UCN: variants seen among roughly 807,000 people sequenced by gnomAD.
UCN encodes urocortin.
A neutral mutation model predicts 6.5 loss-of-function variants in UCN; 5 were observed. The ratio of observed to expected loss-of-function variants is 0.77; its 90% CI spans 0.40 to 1.62. UCN has a LOEUF of 1.62. UCN is among the 40% of genes most tolerant of loss of function. The pLI is 0.02. For synonymous variants in UCN, 95 were observed against 96.4 expected (o/e 0.99, Z 0.09); for missense variants, 195 against 188.8 (o/e 1.03, Z -0.19).
At position 27,308,279 on chromosome 2, in the gene UCN, A is replaced by T. The variant is rs1416758615; in HGVS notation, c.-133T>A. The T allele has an allele frequency of 5.4e-6, 1 of 185,342 alleles. No individual in the cohort carries two copies. Among genetic ancestry groups the T allele is most frequent in the African/African-American group, 2.3e-5 (1 of 42,588 alleles). 11.5% of individuals were successfully genotyped at this position (185,342 alleles called of 1,614,324 possible). On this transcript the variant is annotated 5_prime_UTR_variant, in exon 1 of 2. Transcript: ENST00000296099. This position sits in a 1 kb window ranked among gnomAD's most constrained non-coding sequence, Gnocchi z 4.2. ...CCCGGGGCTGTCGCCAGCCTTATATAGTGCCAGGACAGCTCCGACTGACGT... is the reference window on the plus strand; with the variant it reads ...CCCGGGGCTGTCGCCAGCCTTATATTGTGCCAGGACAGCTCCGACTGACGT...
At position 27,307,897 on chromosome 2, in the gene UCN, G is replaced by T; in HGVS notation, c.-2C>A. The T allele has an allele frequency of 1.4e-6, 2 of 1,467,342 alleles. No individual in the cohort carries two copies. Among genetic ancestry groups the T allele is most frequent in the Non-Finnish European group, 1.8e-6 (2 of 1,117,344 alleles). 90.9% of individuals were successfully genotyped at this position (1,467,342 alleles called of 1,614,324 possible). A position where few individuals can be genotyped will look rare whatever the true frequency, so the allele number is the denominator to read the frequency against. On this transcript the variant is annotated 5_prime_UTR_variant, in exon 2 of 2. Coordinates refer to ENST00000296099, the MANE Select transcript of UCN (RefSeq NM_003353.4). This position sits in a 1 kb window ranked among gnomAD's most constrained non-coding sequence, Gnocchi z 6.9. ...CGCTGCGCGTCCCGCCTGCCTCATG[G>T]TGCCGCCGGCCCTGGACACACAGGG...
Position 27,307,791 on chromosome 2 carries a change from G to A in UCN, c.105C>T (p.Asp35=). The part of the protein sequence containing the change: ...QRSPEAAGVQ[D]PSLRWSPGAR... ...CCCCGGGGCTCCAGCGCAGACTCGG[G>A]TCCTGGACCCCGGCCGCCTCGGGGC... Residue 35 remains aspartate, a synonymous_variant, in exon 2 of 2, where the codon GAC becomes GAT. Transcript: ENST00000296099. This position sits in a 1 kb window ranked among gnomAD's most constrained non-coding sequence, Gnocchi z 6.9. The A allele has an allele frequency of 6.6e-7, 1 of 1,510,390 alleles. No homozygotes were observed. The highest frequency in any genetic ancestry group is 8.8e-7 in the Non-Finnish European group (1 of 1,133,424). 93.6% of individuals were successfully genotyped at this position (1,510,390 alleles called of 1,614,324 possible). A position where few individuals can be genotyped will look rare whatever the true frequency, so the allele number is the denominator to read the frequency against.
In UCN at chr2:27,307,608, C is replaced by T. The variant is rs1490767455; in HGVS notation, c.288G>A (p.Leu96=). 7 of 1,612,656 alleles carry T rather than the reference C, an allele frequency of 4.3e-6. No individual in the cohort carries two copies. Among genetic ancestry groups the T allele is most frequent in the Non-Finnish European group, 5.9e-6 (7 of 1,179,896 alleles). ...TCCGCGCCAGCTCCAGCAGGGTCCGCAGCAGGTGAAAGGTGAGGTCAATGG... is the reference window on the plus strand; with the variant it reads ...TCCGCGCCAGCTCCAGCAGGGTCCGTAGCAGGTGAAAGGTGAGGTCAATGG... ...SLSIDLTFHL[L]RTLLELARTQ... is the part of the protein sequence containing the mutation. The change falls in exon 2 of 2, where the codon CTG becomes CTA. Residue 96 remains leucine (L), a synonymous_variant. Coordinates refer to ENST00000296099, the MANE Select transcript of UCN (RefSeq NM_003353.4). This position sits in a 1 kb window ranked among gnomAD's most constrained non-coding sequence, Gnocchi z 6.9.
At position 27,307,980 on chromosome 2, in the gene UCN, C is replaced by T; in HGVS notation, c.-13-72G>A. 7.7e-7 allele frequency: 1 copy of T among 1,300,318 alleles called. No individual in the cohort carries two copies. Among genetic ancestry groups the T allele is most frequent in the Non-Finnish European group, 9.8e-7 (1 of 1,025,556 alleles). 80.5% of individuals were successfully genotyped at this position (1,300,318 alleles called of 1,614,324 possible). A position where few individuals can be genotyped will look rare whatever the true frequency, so the allele number is the denominator to read the frequency against. On this transcript the variant is annotated intron_variant, in intron 1 of 1. Transcript: ENST00000296099. The surrounding 1 kb of genome is among the most constrained non-coding windows in gnomAD (Gnocchi z 6.9). ...GCAGGCCGCCGCTCCCCTCCCCGCG[C>T]TCGCCCGGCGACCCCTCCGGCCGCC... is the stretch of plus-strand genomic sequence containing the variant.
In UCN at chr2:27,308,065, T is replaced by G; in HGVS notation, c.-14+95A>C. 1.6e-6 allele frequency: 1 copy of G among 632,838 alleles called. No homozygotes were observed. 39.2% of individuals were successfully genotyped at this position (632,838 alleles called of 1,614,324 possible). On this transcript the variant is annotated intron_variant, in intron 1 of 1. Coordinates refer to ENST00000296099, the MANE Select transcript of UCN (RefSeq NM_003353.4). This position sits in a 1 kb window ranked among gnomAD's most constrained non-coding sequence, Gnocchi z 4.2. ...CACTGCGCCAGTGCTGTTCCATCCCTTCCACCCAGCCTCCCTCCCCGGAGG... is the reference window on the plus strand; with the variant it reads ...CACTGCGCCAGTGCTGTTCCATCCCGTCCACCCAGCCTCCCTCCCCGGAGG...
chr2:27,307,473 T>G lies in UCN; in HGVS notation c.*48A>C. 9 of 1,609,686 alleles carry G rather than the reference T, an allele frequency of 5.6e-6. No individual in the cohort carries two copies. The highest frequency in any genetic ancestry group is 7.6e-6 in the Non-Finnish European group (9 of 1,179,004). On this transcript the variant is annotated 3_prime_UTR_variant, in exon 2 of 2. Coordinates refer to ENST00000296099, the MANE Select transcript of UCN (RefSeq NM_003353.4). The surrounding 1 kb of genome is among the most constrained non-coding windows in gnomAD (Gnocchi z 6.9). ...GTGGCTCTGCCCCGCATCCCAACTC[T>G]GGGGTGGGGGAAAGGGGTCAACGTT...
rs1445076343 is a variant in UCN, at chr2:27,307,647, G to A, written c.249C>T (p.Asp83=). 10 of 1,607,524 alleles carry A rather than the reference G, an allele frequency of 6.2e-6. No individual in the cohort carries two copies. Among genetic ancestry groups the A allele is most frequent in the Non-Finnish European group, 8.5e-6 (10 of 1,177,978 alleles). Residue 83 remains aspartate (D), a synonymous_variant, in exon 2 of 2, where the codon GAC becomes GAT. Transcript: ENST00000296099. The surrounding 1 kb of genome is among the most constrained non-coding windows in gnomAD (Gnocchi z 6.9). ...TGAGGTCAATGGACAGAGAAGGGTT[G>A]TCCCGCCGCGGCCGCTCGCCTGCCG... ...LGTAGERPRR[D]NPSLSIDLTF... is the part of the protein sequence containing the mutation.
rs1679281020 is a variant in UCN, at chr2:27,307,815, G to T, written c.81C>A (p.Ser27Arg). ...VQLCPGSSQR[S>R]PEAAGVQDPS... ...GGTCCTGGACCCCGGCCGCCTCGGGGCTCCTCTGGCTGCTCCCAGGGCACA... is the reference window on the plus strand; with the variant it reads ...GGTCCTGGACCCCGGCCGCCTCGGGTCTCCTCTGGCTGCTCCCAGGGCACA... Residue 27 changes from serine (S) to arginine (R), a missense_variant, in exon 2 of 2, where the codon AGC becomes AGA. By Grantham distance (110) the Ser-to-Arg change is moderately radical. Coordinates refer to ENST00000296099, the MANE Select transcript of UCN (RefSeq NM_003353.4). This position sits in a 1 kb window ranked among gnomAD's most constrained non-coding sequence, Gnocchi z 6.9. 4.6e-6 allele frequency: 7 copies of T among 1,505,420 alleles called. No homozygotes were observed. Among genetic ancestry groups the T allele is most frequent in the Admixed American group, 2.2e-5 (1 of 46,108 alleles). The allele number at this position is 1,505,420 out of a possible 1,614,324, so 93.3% of individuals were successfully genotyped here. A position where few individuals can be genotyped will look rare whatever the true frequency, so the allele number is the denominator to read the frequency against.
Position 27,307,865 on chromosome 2 carries a change from C to G in UCN, c.31G>C (p.Ala11Pro). 6.7e-7 allele frequency: 1 copy of G among 1,488,850 alleles called. No individual in the cohort carries two copies. The highest frequency in any genetic ancestry group is 8.9e-7 in the Non-Finnish European group (1 of 1,127,596). 92.2% of individuals were successfully genotyped at this position (1,488,850 alleles called of 1,614,324 possible). ...AGCTGTACCAGGAGCAGCAGCGCGG[C>G]CAGCAGCGCTGCGCGTCCCGCCTGC... MRQAGRAALL[A>P]ALLLLVQLCP... Residue 11 changes from alanine to proline, a missense_variant, in exon 2 of 2, where the codon GCC becomes CCC. Coordinates refer to ENST00000296099, the MANE Select transcript of UCN (RefSeq NM_003353.4). This position sits in a 1 kb window ranked among gnomAD's most constrained non-coding sequence, Gnocchi z 6.9.
rs928319830 is a variant in UCN at position 27,308,127 on chromosome 2, G to A, written c.-14+33C>T. 2.4e-6 allele frequency: 1 copy of A among 420,018 alleles called. No homozygotes were observed. Among genetic ancestry groups the A allele is most frequent in the Non-Finnish European group, 4.1e-6 (1 of 244,000 alleles). The allele number at this position is 420,018 out of a possible 1,614,324, so 26.0% of individuals were successfully genotyped here. A position where few individuals can be genotyped will look rare whatever the true frequency, so the allele number is the denominator to read the frequency against. On this transcript the variant is annotated intron_variant, in intron 1 of 1. Coordinates refer to ENST00000296099, the MANE Select transcript of UCN (RefSeq NM_003353.4). This position sits in a 1 kb window ranked among gnomAD's most constrained non-coding sequence, Gnocchi z 4.2. ...TGAGCTGAGCGGAGTCCTGGTGCAG[G>A]GGGAGGCTGGGCGGACGCTCTGAGC...
At position 27,307,579 on chromosome 2, in the gene UCN, T is replaced by C. The variant is rs774016860; in HGVS notation, c.317A>G (p.Gln106Arg). Residue 106 changes from glutamine (Q) to arginine (R), a missense_variant, in exon 2 of 2, where the codon CAG (glutamine) becomes CGG (arginine). Physicochemically the swap from Gln to Arg is conservative, Grantham distance 43 (BLOSUM62 1). Transcript: ENST00000296099. This position sits in a 1 kb window ranked among gnomAD's most constrained non-coding sequence, Gnocchi z 6.9. Reference sequence around the variant, plus strand: ...CTGCTCGGCGCGCTCCCGCTGGCTCTGCGTCCGCGCCAGCTCCAGCAGGGT... The same window carrying C: ...CTGCTCGGCGCGCTCCCGCTGGCTCCGCGTCCGCGCCAGCTCCAGCAGGGT... ...LRTLLELART[Q>R]SQRERAEQNR... 2 of 1,612,896 alleles carry C rather than the reference T, an allele frequency of 1.2e-6. No individual in the cohort carries two copies. The highest frequency in any genetic ancestry group is 1.1e-5 in the South Asian group (1 of 91,070).
Position 27,307,780 on chromosome 2 carries a change from C to A in UCN, c.116G>T (p.Arg39Leu). 1 of 1,512,148 alleles carries A rather than the reference C, an allele frequency of 6.6e-7. No homozygotes were observed. The allele number at this position is 1,512,148 out of a possible 1,614,324, so 93.7% of individuals were successfully genotyped here. The change falls in exon 2 of 2, where the codon CGC (arginine) becomes CTC (leucine). Residue 39 changes from arginine to leucine, a missense_variant. Arg to Leu is a moderately radical substitution (Grantham distance 102, BLOSUM62 -2). Transcript: ENST00000296099. This position sits in a 1 kb window ranked among gnomAD's most constrained non-coding sequence, Gnocchi z 6.9. ...EAAGVQDPSL[R>L]WSPGARNQGG... is the part of the protein sequence containing the mutation. ...CTGGTTCCGTGCCCCGGGGCTCCAGCGCAGACTCGGGTCCTGGACCCCGGC... is the reference window on the plus strand; with the variant it reads ...CTGGTTCCGTGCCCCGGGGCTCCAGAGCAGACTCGGGTCCTGGACCCCGGC...
chr2:27,308,016 C>T lies in UCN; in HGVS notation c.-13-108G>A. On this transcript the variant is annotated intron_variant, in intron 1 of 1. Transcript: ENST00000296099. This position sits in a 1 kb window ranked among gnomAD's most constrained non-coding sequence, Gnocchi z 4.2. ...ACCCCTCCGGCCGCCGCCCAATGCC[C>T]GCAGCCTGCCCTCCAGCCCCAGCCA... 2 of 1,053,556 alleles carry T rather than the reference C, an allele frequency of 1.9e-6. No homozygotes were observed. Among genetic ancestry groups the T allele is most frequent in the Non-Finnish European group, 2.5e-6 (2 of 803,856 alleles). The allele number at this position is 1,053,556 out of a possible 1,614,324, so 65.3% of individuals were successfully genotyped here.
chr2:27,307,776 C>T lies in UCN; in HGVS notation c.120G>A (p.Trp40Ter). The change falls in exon 2 of 2, where the codon TGG becomes TGA. Residue 40 changes from tryptophan to a stop codon, truncating the protein, a stop_gained. Transcript: ENST00000296099. LOFTEE classifies it high-confidence loss of function. This position sits in a 1 kb window ranked among gnomAD's most constrained non-coding sequence, Gnocchi z 6.9. ...AAGVQDPSLRWSPGARNQGGG... is the reference protein window; with the variant it reads ...AAGVQDPSLR Reference sequence around the variant, plus strand: ...CACCCTGGTTCCGTGCCCCGGGGCTCCAGCGCAGACTCGGGTCCTGGACCC... The same window carrying T: ...CACCCTGGTTCCGTGCCCCGGGGCTTCAGCGCAGACTCGGGTCCTGGACCC... The T allele has an allele frequency of 6.6e-7, 1 of 1,511,764 alleles. No individual in the cohort carries two copies. The allele number at this position is 1,511,764 out of a possible 1,614,324, so 93.6% of individuals were successfully genotyped here. A position where few individuals can be genotyped will look rare whatever the true frequency, so the allele number is the denominator to read the frequency against.
In UCN at chr2:27,308,108, G is replaced by A; in HGVS notation, c.-14+52C>T. 2.2e-6 allele frequency: 1 copy of A among 463,792 alleles called. No homozygotes were observed. The highest frequency in any genetic ancestry group is 3.6e-6 in the Non-Finnish European group (1 of 279,954). The allele number at this position is 463,792 out of a possible 1,614,324, so 28.7% of individuals were successfully genotyped here. On this transcript the variant is annotated intron_variant, in intron 1 of 1. Coordinates refer to ENST00000296099, the MANE Select transcript of UCN (RefSeq NM_003353.4). This position sits in a 1 kb window ranked among gnomAD's most constrained non-coding sequence, Gnocchi z 4.2. Reference sequence around the variant, plus strand: ...CCCGGAGGAGCGTGGTGGCTGAGCTGAGCGGAGTCCTGGTGCAGGGGGAGG... The same window carrying A: ...CCCGGAGGAGCGTGGTGGCTGAGCTAAGCGGAGTCCTGGTGCAGGGGGAGG...
In UCN at chr2:27,308,101, C is replaced by T. The variant is rs35403114; in HGVS notation, c.-14+59G>A. On this transcript the variant is annotated intron_variant, in intron 1 of 1. Transcript: ENST00000296099. This position sits in a 1 kb window ranked among gnomAD's most constrained non-coding sequence, Gnocchi z 4.2. Reference sequence around the variant, plus strand: ...CTCCCTCCCCGGAGGAGCGTGGTGGCTGAGCTGAGCGGAGTCCTGGTGCAG... The same window carrying T: ...CTCCCTCCCCGGAGGAGCGTGGTGGTTGAGCTGAGCGGAGTCCTGGTGCAG... 2.1e-6 allele frequency: 1 copy of T among 487,660 alleles called. No individual in the cohort carries two copies. The highest frequency in any genetic ancestry group is 3.3e-6 in the Non-Finnish European group (1 of 300,064). 30.2% of individuals were successfully genotyped at this position (487,660 alleles called of 1,614,324 possible). A position where few individuals can be genotyped will look rare whatever the true frequency, so the allele number is the denominator to read the frequency against.
Position 27,307,737 on chromosome 2 carries a change from C to T in UCN, c.159G>A (p.Ala53=), listed in dbSNP as rs749714626. The T allele has an allele frequency of 1.3e-6, 2 of 1,508,254 alleles. No homozygotes were observed. Among genetic ancestry groups the T allele is most frequent in the South Asian group, 1.3e-5 (1 of 78,166 alleles). 93.4% of individuals were successfully genotyped at this position (1,508,254 alleles called of 1,614,324 possible). ...AGCGCTCCGCCAGCAGCAAGAGGAG[C>T]GCGCGGGCCCCGCCACCCTGGTTCC... ...GARNQGGGAR[A]LLLLLAERFP... is the part of the protein sequence containing the mutation. Residue 53 remains alanine (A), a synonymous_variant, in exon 2 of 2, where the codon GCG becomes GCA. Transcript: ENST00000296099. This position sits in a 1 kb window ranked among gnomAD's most constrained non-coding sequence, Gnocchi z 6.9.
rs749714626 is a variant in UCN at position 27,307,737 on chromosome 2, C to G, written c.159G>C (p.Ala53=). 6.0e-6 allele frequency: 9 copies of G among 1,508,254 alleles called. No individual in the cohort carries two copies. The Admixed American group carries it at 1.6e-4, about 27-fold the overall frequency. The allele number at this position is 1,508,254 out of a possible 1,614,324, so 93.4% of individuals were successfully genotyped here. The stretch of plus-strand genomic sequence containing the variant: ...AGCGCTCCGCCAGCAGCAAGAGGAG[C>G]GCGCGGGCCCCGCCACCCTGGTTCC... ...GARNQGGGAR[A]LLLLLAERFP... The change falls in exon 2 of 2, where the codon GCG becomes GCC. Residue 53 remains alanine (A), a synonymous_variant. Transcript: ENST00000296099. The surrounding 1 kb of genome is among the most constrained non-coding windows in gnomAD (Gnocchi z 6.9).
At position 27,307,896 on chromosome 2, in the gene UCN, G is replaced by A; in HGVS notation, c.-1C>T. On this transcript the variant is annotated 5_prime_UTR_variant, in exon 2 of 2. Coordinates refer to ENST00000296099, the MANE Select transcript of UCN (RefSeq NM_003353.4). This position sits in a 1 kb window ranked among gnomAD's most constrained non-coding sequence, Gnocchi z 6.9. ...GCGCTGCGCGTCCCGCCTGCCTCAT[G>A]GTGCCGCCGGCCCTGGACACACAGG... The A allele has an allele frequency of 6.8e-7, 1 of 1,467,432 alleles. No homozygotes were observed. Among genetic ancestry groups the A allele is most frequent in the Non-Finnish European group, 8.9e-7 (1 of 1,117,370 alleles). The allele number at this position is 1,467,432 out of a possible 1,614,324, so 90.9% of individuals were successfully genotyped here.
Sources: allele counts gnomAD v4.1 joint callset, GRCh38; gene constraint gnomAD v4.1.1; non-coding constraint Gnocchi (gnomAD v3.1); transcripts MANE v1.5; gene names NCBI Gene and HGNC (gene_info 2026-07-23, HGNC 2026-07-21).